Variants in ASCC3 observed in about 807,000 individuals in gnomAD.
The protein encoded by ASCC3 is activating signal cointegrator 1 complex subunit 3.
In ASCC3, 158 loss-of-function variants were observed where a neutral mutation model predicts 256.3. The ratio of observed to expected loss-of-function variants is 0.62; its 90% confidence interval spans 0.54 to 0.70. The LOEUF (loss-of-function observed/expected upper bound fraction) is 0.70, where lower values mean the gene tolerates loss of function less well. Among genes scored for constraint, ASCC3 ranks in the 30% least tolerant of loss-of-function variants. The pLI is 0.00. For synonymous variants in ASCC3, 948 were observed against 883.4 expected (o/e 1.07, Z -1.30); for missense variants, 2,259 against 2,626.0 (o/e 0.86, Z 3.05).
intron 5 of ASCC3, among the ~76,000 whole-genome samples, chr6:100,803,254 T>C (rs1272480495): frequency 6.6e-6 from 1 of 152,136 alleles, no homozygotes; most frequent in Non-Finnish European, 1.5e-5. Flanking sequence ...TCATGTTGAA[T>C]TGTAATCCCC....
intron 13 of ASCC3, among the ~76,000 whole-genome samples, chr6:100,691,561 G>A (rs1030934537): frequency 4.0e-5 from 6 of 151,714 alleles, no homozygotes; most frequent in African/African-American, 7.3e-5. Context: ...ATAAATAAAT[G>A]TGTATTTTAC....
intron 30 of ASCC3, among the ~76,000 whole-genome samples, chr6:100,615,376 T>C (rs1321779342): frequency 6.6e-6 from 1 of 151,672 alleles, no homozygotes; most frequent in African/African-American, 2.4e-5. Flanking sequence ...TTGTTGTCAC[T>C]GATTCCAATT....
chr6:100,636,452 C>T (rs1172075833), intron 25 of ASCC3, among the ~76,000 whole-genome samples: 1 of 152,154 alleles, frequency 6.6e-6, no homozygotes, highest in Non-Finnish European at 1.5e-5. Context: ...TCTCCTCAGG[C>T]CTCCTTCTTC....
Position 100,718,109 on chromosome 6 carries a change from C to T in ASCC3, c.2045G>A (p.Gly682Glu). ...ACATTTAATCCCCAAAAATGTCTGT[C>T]CAAGAGGTACTGGTCGAAAACGGCC... ...FDGRFRPVPL[G>E]QTFLGIKCAN... The change falls in exon 12 of 42, where the codon GGA (glycine) becomes GAA (glutamate). Residue 682 changes from glycine to glutamate, a missense_variant. By Grantham distance (98) the Gly-to-Glu change is moderately conservative. Coordinates refer to ENST00000369162, the MANE Select transcript of ASCC3 (RefSeq NM_006828.4). The T allele has an allele frequency of 6.2e-7, 1 of 1,613,400 alleles. No homozygotes were observed. The highest frequency in any genetic ancestry group is 1.1e-5 in the South Asian group (1 of 91,046).
rs1562178896 is a variant in ASCC3, at chr6:100,627,691, CG to C, written c.4540del (p.Arg1514AspfsTer28). The C allele has an allele frequency of 6.2e-7, 1 of 1,613,424 alleles. No individual in the cohort carries two copies. The highest frequency in any genetic ancestry group is 8.5e-7 in the Non-Finnish European group (1 of 1,179,718). On this transcript the variant is annotated frameshift_variant, in exon 29 of 42. Transcript: ENST00000369162. ...CAGTGGAACTGGGCGTACTGATGGTCGGAAGTTAAACAAGCCCATCTAGAGT... is the reference window on the plus strand; with the variant it reads ...CAGTGGAACTGGGCGTACTGATGGTCGAAGTTAAACAAGCCCATCTAGAGT... ...NIKQMGLFNFRPSVRPVPLEV... is the reference protein window; with the variant it reads ...NIKQMGLFNFXPSVRPVPLEV...
intron 36 of ASCC3, among the ~76,000 whole-genome samples, chr6:100,568,211 T>A (rs765905545): frequency 2.6e-5 from 4 of 151,792 alleles, no homozygotes; most frequent in Admixed American, 2.0e-4. Flanking sequence ...CAACTAAAAC[T>A]ATAAAAATTA....
intron 37 of ASCC3, among the ~76,000 whole-genome samples, chr6:100,519,468 G>A (rs1774196228): frequency 6.6e-6 from 1 of 152,014 alleles, no homozygotes; most frequent in African/African-American, 2.4e-5. Flanking sequence ...TCTCTGTACA[G>A]CAGGATAATA....
At chr6:100,518,567 C>A (rs1774150757) in intron 37 of ASCC3, among the ~76,000 whole-genome samples, 1 of 152,018 alleles carries the variant, frequency 6.6e-6, no homozygotes, top group Non-Finnish European at 1.5e-5. Context: ...GATAGTTTTT[C>A]TTGCCAAAAA....
intron 36 of ASCC3, among the ~76,000 whole-genome samples, chr6:100,555,796 G>A (rs1329412210): frequency 6.6e-6 from 1 of 152,164 alleles, no homozygotes; most frequent in African/African-American, 2.4e-5. Flanking sequence ...ATATAATTGT[G>A]TAAGATTCAG....
At chr6:100,623,833 A>G (rs1774089868) in intron 30 of ASCC3, among the ~76,000 whole-genome samples, 1 of 152,096 alleles carries the variant, frequency 6.6e-6, no homozygotes, top group Non-Finnish European at 1.5e-5. Flanking sequence ...ATACTAACAA[A>G]CTGGATTACA....
chr6:100,878,515 T>A (rs1769100105), intron 1 of ASCC3, among the ~76,000 whole-genome samples: 1 of 151,970 alleles, frequency 6.6e-6, no homozygotes, highest in Non-Finnish European at 1.5e-5. Flanking sequence ...ACAAGCATAG[T>A]CAGAAAGAAA....
intron 37 of ASCC3, among the ~76,000 whole-genome samples, chr6:100,523,746 G>A (rs375158873): frequency 2.4e-4 from 37 of 152,282 alleles, no homozygotes; most frequent in Middle Eastern, 3.4e-3. Flanking sequence ...GCAAAGAACA[G>A]TTTTATCCAA....
rs540788206 is a variant in ASCC3 at position 100,547,784 on chromosome 6, C to T, written c.5551-7397G>A. 3.3e-3 allele frequency among the ~76,000 whole-genome samples: 504 copies of T among 151,778 alleles called. 1 individual carries two copies. Among genetic ancestry groups the T allele is most frequent in the Non-Finnish European group, 4.4e-3 (299 of 67,802 alleles). ...CACCATGTGATCTAGCTATTCCATT[C>T]CTAGGGATTTACCCAAGAGAAAAGA... is the stretch of plus-strand genomic sequence containing the variant. On this transcript the variant is annotated intron_variant, in intron 36 of 41. Coordinates refer to ENST00000369162, the MANE Select transcript of ASCC3 (RefSeq NM_006828.4).
intron 19 of ASCC3, among the ~76,000 whole-genome samples, chr6:100,651,157 C>A (rs912590760): frequency 6.6e-6 from 1 of 151,686 alleles, no homozygotes; most frequent in African/African-American, 2.4e-5. Context: ...CCATGAAGTA[C>A]TATGATTCAA....
chr6:100,634,278 G>A (rs1284040097), intron 25 of ASCC3, among the ~76,000 whole-genome samples: 2 of 152,082 alleles, frequency 1.3e-5, no homozygotes, highest in Admixed American at 1.3e-4. Flanking sequence ...TTCTAGCTAT[G>A]TGAAACCACA....
chr6:100,822,440 G>A (rs1480430541), intron 4 of ASCC3, among the ~76,000 whole-genome samples: 1 of 151,762 alleles, frequency 6.6e-6, no homozygotes, highest in African/African-American at 2.4e-5. Context: ...AGGAGGTTGA[G>A]GTGGGAGGAT....
At chr6:100,650,010 A>G (rs1472177571) in intron 20 of ASCC3, among the ~76,000 whole-genome samples, 3 of 151,622 alleles carry the variant, frequency 2.0e-5, no homozygotes, top group East Asian at 1.9e-4. Context: ...TCTGTCCTCA[A>G]TGTTTAAGTT....
At chr6:100,532,045 A>C (rs1287067591) in intron 37 of ASCC3, among the ~76,000 whole-genome samples, 1 of 151,650 alleles carries the variant, frequency 6.6e-6, no homozygotes, top group Non-Finnish European at 1.5e-5. Context: ...TTAATTTATA[A>C]GAAGATAGTA....
chr6:100,836,829 T>TA (rs1171787948), intron 4 of ASCC3, among the ~76,000 whole-genome samples: 1 of 152,130 alleles, frequency 6.6e-6, no homozygotes, highest in Non-Finnish European at 1.5e-5. Flanking sequence ...ACAAGGCCTT[T>TA]ATTGGCAGAA....
Sources: gnomAD v4.1 joint callset for allele counts (sites outside exome capture counted in the v4.1 genomes callset) on GRCh38, gnomAD v4.1.1 for gene constraint, MANE v1.5 for transcripts, NCBI Gene and HGNC (gene_info 2026-07-23, HGNC 2026-07-21) for gene names.